The following ZNF221 variants were observed in gnomAD, a reference collection of about 807,000 sequenced individuals.
The protein encoded by ZNF221 is zinc finger protein 221.
A neutral mutation model predicts 12.6 loss-of-function variants in ZNF221; 10 were observed. That is an observed-to-expected ratio of 0.79 (90% confidence interval 0.49 to 1.34). The LOEUF is 1.34. Among genes scored for constraint, ZNF221 ranks in the 40% most tolerant of loss-of-function variants. The probability of loss-of-function intolerance (pLI) is 0.00; values close to 1 mark genes in which losing one functional copy is unlikely to be tolerated. For synonymous variants in ZNF221, 232 were observed against 244.0 expected, an observed-to-expected ratio of 0.95 and a Z score of 0.46; for missense variants, 661 against 721.4, an observed-to-expected ratio of 0.92 and a Z score of 0.96.
chr19:43,978,865 C>A, the ZNF221 span, among the ~76,000 whole-genome samples: 1 of 151,220 alleles, frequency 6.6e-6, no homozygotes, highest in Non-Finnish European at 1.5e-5. Context: ...AGTTATTATT[C>A]TCTGACCATA....
chr19:43,962,606 TA>T, intron 1 of ZNF221, 118 bp from the exon 2 acceptor site: 1 of 986,538 alleles, frequency 1.0e-6, no homozygotes, highest in African/African-American at 1.6e-5. Flanking sequence ...AGTTTGGGGT[TA>T]TGAGTAATGC....
the ZNF221 span, among the ~76,000 whole-genome samples, chr19:43,977,795 A>G: frequency 1.3e-5 from 2 of 152,208 alleles, no homozygotes; most frequent in African/African-American, 4.8e-5. Flanking sequence ...TTTCTAAATA[A>G]TGTATTTTCA....
chr19:43,974,004 C>T, the ZNF221 span, among the ~76,000 whole-genome samples: 2 of 152,158 alleles, frequency 1.3e-5, no homozygotes. Context: ...TCAAACTATA[C>T]TCCAAGGCTA....
At chr19:43,981,248 C>A in the ZNF221 span, among the ~76,000 whole-genome samples, 1 of 152,134 alleles carries the variant, frequency 6.6e-6, no homozygotes, top group Non-Finnish European at 1.5e-5. Context: ...ACACTTCTTA[C>A]CATTTGATTG....
Position 43,967,564 on chromosome 19 carries a change from C to T in ZNF221, c.*208C>T, listed in dbSNP as rs1341289638. On this transcript the variant is annotated 3_prime_UTR_variant, in exon 5 of 5. Coordinates refer to ENST00000587682, the MANE Select transcript of ZNF221 (RefSeq NM_001297588.2). Reference sequence around the variant, plus strand: ...CGCTATCTCAGCTCACTGCAAGCTCCGCCTCCCAGGTTCACGCCATTCTCC... The same window carrying T: ...CGCTATCTCAGCTCACTGCAAGCTCTGCCTCCCAGGTTCACGCCATTCTCC... The T allele has an allele frequency of 5.3e-5, 26 of 494,412 alleles. No homozygotes were observed. The Admixed American group carries it at 6.9e-4, about 13-fold the overall frequency. The allele number at this position is 494,412 out of a possible 1,614,324, so 30.6% of individuals were successfully genotyped here.
chr19:43,975,689 TA>T, the ZNF221 span, among the ~76,000 whole-genome samples: 1 of 152,266 alleles, frequency 6.6e-6, no homozygotes, highest in Non-Finnish European at 1.5e-5. Context: ...CCCCTGAACT[TA>T]AAATAAAAGT....
At chr19:43,960,269 G>A (rs1307516534) in intron 1 of ZNF221, 7 of 152,230 alleles carry the variant, frequency 4.6e-5, no homozygotes, top group Non-Finnish European at 2.9e-5. Flanking sequence ...CATTCAAGAA[G>A]TGGCCTGGCT....
At chr19:43,957,918 C>A (rs1409487868) in intron 1 of ZNF221, among the ~76,000 whole-genome samples, 2 of 152,210 alleles carry the variant, frequency 1.3e-5, no homozygotes, top group African/African-American at 4.8e-5. Context: ...TCAGCTAAAT[C>A]ATTTCCTGTT....
At chr19:43,977,934 A>C in the ZNF221 span, among the ~76,000 whole-genome samples, 1 of 152,218 alleles carries the variant, frequency 6.6e-6, no homozygotes, top group South Asian at 2.1e-4. Context: ...CAGTGACAAG[A>C]TACAAAACAG....
At chr19:43,968,452 T>A (rs1235872228), downstream of ZNF221, among the ~76,000 whole-genome samples, 1 of 152,204 alleles carries the variant, frequency 6.6e-6, no homozygotes, top group Non-Finnish European at 1.5e-5. Flanking sequence ...TGTATGTGTG[T>A]TTGGTACATG....
Position 43,965,261 on chromosome 19 carries a change from CCACTT to C in ZNF221, c.239_243del (p.His80LeufsTer26). ...ATCAACCATTCCACCAAGATACTTT[CCACTT>C]CTTAGGGAAGGAAAAGTTTTGGAAG... On this transcript the variant is annotated frameshift_variant, in exon 4 of 5. Coordinates refer to ENST00000587682, the MANE Select transcript of ZNF221 (RefSeq NM_001297588.2). LOFTEE classifies it high-confidence loss of function. 1 of 1,613,274 alleles carries C rather than the reference CCACTT, an allele frequency of 6.2e-7. No individual in the cohort carries two copies. The highest frequency in any genetic ancestry group is 1.1e-5 in the South Asian group (1 of 91,010).
rs765040604 is a variant in ZNF221 at position 43,966,337 on chromosome 19, G to A, written c.835G>A (p.Glu279Lys). ...LNVHCKLHTG[E>K]KPYNCEECGK... is the part of the protein sequence containing the mutation. ...TGTTCATTGCAAATTGCACACAGGA[G>A]AGAAACCTTATAATTGTGAGGAATG... The change falls in exon 5 of 5, where the codon GAG (glutamate) becomes AAG (lysine). Residue 279 changes from glutamate to lysine, a missense_variant. Glu to Lys is a moderately conservative substitution (Grantham distance 56). Transcript: ENST00000587682. 2.5e-6 allele frequency: 4 copies of A among 1,614,176 alleles called. No individual in the cohort carries two copies. In the South Asian group the frequency reaches 3.3e-5, roughly 13 times the overall value.
At position 43,967,198 on chromosome 19, in the gene ZNF221, G is replaced by T. The variant is rs1421869744; in HGVS notation, c.1696G>T (p.Glu566Ter). ...GGGAGAGCGACCCTATAATTGTAAG[G>T]AATGTGGAAAGAGCTTTGGCTGGGC... Reference protein sequence around the residue: ...HGGERPYNCKECGKSFGWASC... With the variant: ...HGGERPYNCK The change falls in exon 5 of 5, where the codon GAA becomes TAA. Residue 566 changes from glutamate to a stop codon, truncating the protein, a stop_gained. Coordinates refer to ENST00000587682, the MANE Select transcript of ZNF221 (RefSeq NM_001297588.2). LOFTEE classifies it low-confidence loss of function (END_TRUNC). The T allele has an allele frequency of 1.9e-6, 3 of 1,593,958 alleles. No individual in the cohort carries two copies. The highest frequency in any genetic ancestry group is 2.7e-5 in the African/African-American group (2 of 74,804).
chr19:43,965,982 A>C lies in ZNF221; in HGVS notation c.480A>C (p.Leu160=). Residue 160 remains leucine, a synonymous_variant, in exon 5 of 5, where the codon CTA becomes CTC. Coordinates refer to ENST00000587682, the MANE Select transcript of ZNF221 (RefSeq NM_001297588.2). ...GDVPCQIEAR[L]SISHVQQKPY... ...TCCCCTGCCAGATTGAGGCAAGACTATCTATAAGTCACGTGCAACAGAAAC... is the reference window on the plus strand; with the variant it reads ...TCCCCTGCCAGATTGAGGCAAGACTCTCTATAAGTCACGTGCAACAGAAAC... The C allele has an allele frequency of 1.9e-6, 3 of 1,614,244 alleles. No homozygotes were observed. The highest frequency in any genetic ancestry group is 2.5e-6 in the Non-Finnish European group (3 of 1,180,038).
chr19:43,974,075 T>C, the ZNF221 span, among the ~76,000 whole-genome samples: 2 of 151,986 alleles, frequency 1.3e-5, no homozygotes, highest in Non-Finnish European at 2.9e-5. Flanking sequence ...TGGAACAGAA[T>C]AGAGAACTCA....
In ZNF221 at chr19:43,967,124, A is replaced by T; in HGVS notation, c.1622A>T (p.Lys541Met). Residue 541 changes from lysine to methionine, a missense_variant, in exon 5 of 5, where the codon AAG (lysine) becomes ATG (methionine). By Grantham distance (95) the Lys-to-Met change is moderately conservative. Transcript: ENST00000587682. ...CTATACAAATGTGAGCAGTGTGAGA[A>T]GGGGTACAACAGTAAATTTAATCTT... Reference protein sequence around the residue: ...EKLYKCEQCEKGYNSKFNLDM... With the variant: ...EKLYKCEQCEMGYNSKFNLDM... 1 of 1,595,360 alleles carries T rather than the reference A, an allele frequency of 6.3e-7. No individual in the cohort carries two copies. The highest frequency in any genetic ancestry group is 1.1e-5 in the South Asian group (1 of 89,098).
At chr19:43,980,580 G>T in the ZNF221 span, among the ~76,000 whole-genome samples, 1 of 152,224 alleles carries the variant, frequency 6.6e-6, no homozygotes, top group African/African-American at 2.4e-5. Context: ...AGGCATATTT[G>T]TAAGATACAT....
Position 43,967,260 on chromosome 19 carries a change from A to T in ZNF221, c.1758A>T (p.Gly586=). The T allele has an allele frequency of 6.2e-7, 1 of 1,614,120 alleles. No homozygotes were observed. Among genetic ancestry groups the T allele is most frequent in the Non-Finnish European group, 8.5e-7 (1 of 1,180,026 alleles). ...TGAAACATCAGAGACTCCACAGTGG[A>T]GAAAAGCCATTGAAATCTGGAGTGT... is the stretch of plus-strand genomic sequence containing the variant. The part of the protein sequence containing the change: ...CLLKHQRLHS[G]EKPLKSGVWE... The change falls in exon 5 of 5, where the codon GGA becomes GGT. Residue 586 remains glycine, a synonymous_variant. Transcript: ENST00000587682.
the ZNF221 span, among the ~76,000 whole-genome samples, chr19:43,980,285 C>A: frequency 6.4e-4 from 98 of 152,264 alleles, no homozygotes; most frequent in African/African-American, 2.3e-3. Context: ...AAACAGAAAT[C>A]CAACTGGAAT....
Sources: gnomAD v4.1 joint callset for allele counts (sites outside exome capture counted in the v4.1 genomes callset) on GRCh38, gnomAD v4.1.1 for gene constraint, MANE v1.5 for transcripts, NCBI Gene and HGNC (gene_info 2026-07-23, HGNC 2026-07-21) for gene names.